Variants in NUP133 observed in about 807,000 individuals in gnomAD.
The protein encoded by NUP133 is nuclear pore complex protein Nup133.
In NUP133, 66 loss-of-function variants were observed where a neutral mutation model predicts 146.2. That is an observed-to-expected ratio of 0.45 (90% CI 0.37 to 0.55). NUP133 has a LOEUF of 0.55. Ranked by LOEUF, NUP133 falls within the 20% of genes least tolerant of loss-of-function variation. The probability of loss-of-function intolerance (pLI) is 0.00; values close to 1 mark genes in which losing one functional copy is unlikely to be tolerated. For missense variants in NUP133, 1,277 were observed against 1,374.8 expected (o/e 0.93, Z 1.12); for synonymous variants, 521 against 498.8 (o/e 1.04, Z -0.59).
At chr1:229,485,249 C>T (rs1661319800) in intron 11 of NUP133, among the ~76,000 whole-genome samples, 2 of 152,108 alleles carry the variant, frequency 1.3e-5, no homozygotes, top group Admixed American at 1.3e-4. Context: ...GGGAAATGGC[C>T]CCGCTGACAG....
intron 15 of NUP133, among the ~76,000 whole-genome samples, chr1:229,467,235 A>G (rs1007039295): frequency 6.6e-6 from 1 of 152,252 alleles, no homozygotes. Context: ...AACTAAATAC[A>G]TAACTTCTAA....
intron 8 of NUP133, among the ~76,000 whole-genome samples, chr1:229,491,690 A>C (rs909419112): frequency 6.6e-6 from 1 of 152,200 alleles, no homozygotes; most frequent in Admixed American, 6.5e-5. Context: ...AGGCATGAGA[A>C]TCACTTGAAC....
chr1:229,465,892 CAAAAAAAAAA>C (rs71561801), intron 16 of NUP133, among the ~76,000 whole-genome samples: 3 of 77,378 alleles, frequency 3.9e-5, no homozygotes, highest in Non-Finnish European at 8.3e-5. Flanking sequence ...CCATGTCTCA[CAAAAAAAAAA>C]AAAAAAAGAA....
At chr1:229,488,368 T>C (rs1248312152) in intron 9 of NUP133, among the ~76,000 whole-genome samples, 1 of 152,186 alleles carries the variant, frequency 6.6e-6, no homozygotes, top group Non-Finnish European at 1.5e-5. Context: ...TTTGTTTACA[T>C]ATAAAATCAG....
chr1:229,473,455 T>G (rs965373215), intron 14 of NUP133, among the ~76,000 whole-genome samples: 38 of 152,120 alleles, frequency 2.5e-4, no homozygotes, highest in African/African-American at 7.7e-4. Context: ...TGGAACTTCG[T>G]GAGGGTTCTC....
At chr1:229,449,995 A>T (rs1181098180) in intron 23 of NUP133, among the ~76,000 whole-genome samples, 1 of 148,326 alleles carries the variant, frequency 6.7e-6, no homozygotes, top group Non-Finnish European at 1.5e-5. Flanking sequence ...CTCATGCCTC[A>T]GCCTCCCAAG....
intron 14 of NUP133, among the ~76,000 whole-genome samples, chr1:229,473,859 G>C (rs79420574): frequency 0.027 from 4,154 of 152,286 alleles, 158 homozygotes; most frequent in African/African-American, 0.084. Flanking sequence ...AGGAGGCAAA[G>C]GTTGCAGTGA....
chr1:229,475,799 G>A (rs1661060933), intron 13 of NUP133, 67 bp from the exon 14 acceptor site: 1 of 1,234,614 alleles, frequency 8.1e-7, no homozygotes, highest in Non-Finnish European at 1.2e-6. Flanking sequence ...TAATATCAGT[G>A]GCTAACTGCT....
chr1:229,460,893 A>G (rs1374900007), intron 19 of NUP133, 124 bp from the exon 20 acceptor site: 2 of 715,120 alleles, frequency 2.8e-6, no homozygotes, highest in Non-Finnish European at 4.6e-6. Context: ...ATAATTTCCT[A>G]TATTGTAGGA....
intron 12 of NUP133, among the ~76,000 whole-genome samples, chr1:229,481,198 C>CTGCT (rs1661202894): frequency 6.6e-6 from 1 of 152,104 alleles, no homozygotes; most frequent in Non-Finnish European, 1.5e-5. Flanking sequence ...CCTGAGGGTA[C>CTGCT]TGCTTGCTCA....
intron 21 of NUP133, among the ~76,000 whole-genome samples, chr1:229,455,914 C>T (rs970534868): frequency 1.3e-5 from 2 of 152,134 alleles, no homozygotes; most frequent in South Asian, 2.1e-4. Flanking sequence ...ATAACTGTTA[C>T]GGTTATTTTG....
In NUP133 at chr1:229,466,751, G is replaced by A. The variant is rs1660836371; in HGVS notation, c.2082C>T (p.Ser694=). ...TPADVFFREV[S]QVDTICECLL... The stretch of plus-strand genomic sequence containing the variant: ...AGCACTCACAGATGGTATCTACTTG[G>A]GATACCTGAGAGAATACACAGAAGT... Residue 694 remains serine, a synonymous_variant, in exon 16 of 26, where the codon TCC becomes TCT. Coordinates refer to ENST00000261396, the MANE Select transcript of NUP133 (RefSeq NM_018230.3). 1.2e-6 allele frequency: 2 copies of A among 1,613,666 alleles called. No individual in the cohort carries two copies. The highest frequency in any genetic ancestry group is 1.1e-5 in the South Asian group (1 of 91,036).
At chr1:229,502,508 G>C (rs187489785) in intron 2 of NUP133, among the ~76,000 whole-genome samples, 77 of 132,468 alleles carry the variant, frequency 5.8e-4, no homozygotes, top group African/African-American at 1.9e-3. Flanking sequence ...CCAGTGAGCC[G>C]AGATCGTGCC....
At chr1:229,473,008 T>C (rs1373644468) in intron 14 of NUP133, among the ~76,000 whole-genome samples, 1 of 151,918 alleles carries the variant, frequency 6.6e-6, no homozygotes, top group Admixed American at 6.6e-5. Flanking sequence ...TCCCAGCACT[T>C]TGGGAAGCCT....
chr1:229,454,661 T>C (rs1366520093), intron 21 of NUP133, among the ~76,000 whole-genome samples: 1 of 152,202 alleles, frequency 6.6e-6, no homozygotes, highest in Non-Finnish European at 1.5e-5. Flanking sequence ...AATGTTCCCA[T>C]CGCGTTAAGA....
chr1:229,449,025 C>G, intron 24 of NUP133, 101 bp downstream of exon 24: 1 of 884,806 alleles, frequency 1.1e-6, no homozygotes, highest in South Asian at 1.4e-5. Context: ...AATCCCAACA[C>G]GTCTGGTCAC....
At position 229,441,867 on chromosome 1, in the gene NUP133, T is replaced by C. The variant is rs769273102; in HGVS notation, c.*37A>G. 43 of 1,517,262 alleles carry C rather than the reference T, an allele frequency of 2.8e-5. No individual in the cohort carries two copies. The highest frequency in any genetic ancestry group is 3.4e-5 in the Non-Finnish European group (38 of 1,129,282). The allele number at this position is 1,517,262 out of a possible 1,614,324, so 94.0% of individuals were successfully genotyped here. ...TAAAATTTGTATAAGGACACACTTA[T>C]ACAGATTTCATAAACAATGGCCATT... On this transcript the variant is annotated 3_prime_UTR_variant, in exon 26 of 26. Transcript: ENST00000261396.
chr1:229,467,971 A>G (rs1408987289), intron 15 of NUP133, among the ~76,000 whole-genome samples: 1 of 152,132 alleles, frequency 6.6e-6, no homozygotes, highest in Non-Finnish European at 1.5e-5. Flanking sequence ...GACAGAAAAT[A>G]ACATAAAAGC....
chr1:229,460,532 T>C, intron 20 of NUP133, 79 bp downstream of exon 20: 1 of 1,415,256 alleles, frequency 7.1e-7, no homozygotes, highest in Middle Eastern at 2.0e-4. Context: ...TAAACAGTAT[T>C]TTAATTACTA....
Sources: gnomAD v4.1 joint callset for allele counts (sites outside exome capture counted in the v4.1 genomes callset) on GRCh38, gnomAD v4.1.1 for gene constraint, MANE v1.5 for transcripts, NCBI Gene and HGNC (gene_info 2026-07-23, HGNC 2026-07-21) for gene names.